The following GAREM1 variants were observed in gnomAD, a reference collection of about 807,000 sequenced individuals.
The protein encoded by GAREM1 is GRB2-associated and regulator of MAPK protein 1.
GAREM1 carries 26 observed loss-of-function variants against 71.3 expected under a neutral mutation model. The ratio of observed to expected loss-of-function variants is 0.36; its 90% confidence interval spans 0.27 to 0.51. The LOEUF is 0.51. Among genes scored for constraint, GAREM1 ranks in the 20% least tolerant of loss-of-function variants. The pLI, the probability that GAREM1 is intolerant of heterozygous loss-of-function variation, is 0.95. For synonymous variants in GAREM1, 440 were observed against 433.2 expected (o/e 1.02, Z -0.20); for missense variants, 1,026 against 1,103.1 (o/e 0.93, Z 0.99).
At chr18:32,311,973 G>A (rs2047328492) in intron 2 of GAREM1, among the ~76,000 whole-genome samples, 1 of 152,208 alleles carries the variant, frequency 6.6e-6, no homozygotes, top group Non-Finnish European at 1.5e-5. Flanking sequence ...CATGGCAGGG[G>A]CTGGGAAGTG....
chr18:32,457,824 T>C (rs865818642), intron 1 of GAREM1, among the ~76,000 whole-genome samples: 3 of 152,180 alleles, frequency 2.0e-5, no homozygotes, highest in East Asian at 3.8e-4. Flanking sequence ...TTGTTACATA[T>C]GTATACATGT....
chr18:32,355,915 A>G (rs566798910), intron 2 of GAREM1, among the ~76,000 whole-genome samples: 83 of 152,332 alleles, frequency 5.4e-4, no homozygotes, highest in African/African-American at 1.7e-3. Context: ...TTAGAAAACT[A>G]ATTTATCTAC....
chr18:32,272,627 C>T (rs57038420), intron 4 of GAREM1, among the ~76,000 whole-genome samples: 2,136 of 144,080 alleles, frequency 0.015, 53 homozygotes, highest in African/African-American at 0.051. Flanking sequence ...ATTCTGGGGT[C>T]TTTTTTTTTT....
chr18:32,343,311 G>GTTTTTTTTTTTTTTTTTTTTT (rs35086441), intron 2 of GAREM1, among the ~76,000 whole-genome samples: 6 of 118,870 alleles, frequency 5.0e-5, no homozygotes, highest in African/African-American at 1.3e-4. Context: ...CTCCCCCACT[G>GTTTTTTTTTTTTTTTTTTTTT]TTTTTTTTTT....
At chr18:32,364,012 A>ATTT (rs2047897309) in intron 2 of GAREM1, among the ~76,000 whole-genome samples, 2 of 51,436 alleles carry the variant, frequency 3.9e-5, no homozygotes, top group Admixed American at 1.9e-4. Context: ...ATATATATAT[A>ATTT]TATATATATA....
intron 1 of GAREM1, among the ~76,000 whole-genome samples, chr18:32,445,714 T>C (rs190831010): frequency 1.4e-4 from 22 of 152,314 alleles, no homozygotes. Flanking sequence ...AGGACTGTAA[T>C]GTTCAATCAT....
At chr18:32,467,718 T>C (rs1207876203) in intron 1 of GAREM1, among the ~76,000 whole-genome samples, 2 of 152,204 alleles carry the variant, frequency 1.3e-5, no homozygotes, top group Non-Finnish European at 2.9e-5. Flanking sequence ...TCTAGTCTCT[T>C]TAAAAACAAG....
intron 1 of GAREM1, among the ~76,000 whole-genome samples, chr18:32,452,468 A>G (rs2048849672): frequency 6.6e-6 from 1 of 152,162 alleles, no homozygotes; most frequent in Non-Finnish European, 1.5e-5. Flanking sequence ...AAACCTCACA[A>G]AATTCTACTC....
rs141845707 is a variant in GAREM1, at chr18:32,437,639, G to A, written c.121+32669C>T. Among the ~76,000 whole-genome samples the A allele has an allele frequency of 7.9e-4, 120 of 152,132 alleles. 1 individual carries two copies. The East Asian group carries it at 0.018, about 23-fold the overall frequency. On this transcript the variant is annotated intron_variant, in intron 1 of 5. Transcript: ENST00000269209. ...AACAGGGAGCCAAGCTGATTACCCC[G>A]AGAAAGTCAAGGTGGTTCCACCTCT...
chr18:32,440,340 T>C (rs2048722611), intron 1 of GAREM1, among the ~76,000 whole-genome samples: 1 of 152,160 alleles, frequency 6.6e-6, no homozygotes, highest in Non-Finnish European at 1.5e-5. Flanking sequence ...CTCATGTTAT[T>C]ATAGCTTCAG....
intron 2 of GAREM1, among the ~76,000 whole-genome samples, chr18:32,334,628 C>T (rs1447522137): frequency 6.6e-6 from 1 of 152,176 alleles, no homozygotes; most frequent in African/African-American, 2.4e-5. Flanking sequence ...TTGAGGGGCA[C>T]AGGCAGTCCT....
Position 32,268,419 on chromosome 18 carries a change from AACCAG to A in GAREM1, c.2078_2082del (p.Ser693LeufsTer55). On this transcript the variant is annotated frameshift_variant, in exon 6 of 6. Transcript: ENST00000269209. LOFTEE classifies it high-confidence loss of function. Reference sequence around the variant, plus strand: ...AGAGAGTAGCTGGCTGACTTGGGACAACCAGAGACGCTGCTACTGAATTCTGCAGT... The same window carrying A: ...AGAGAGTAGCTGGCTGACTTGGGACAAGACGCTGCTACTGAATTCTGCAGT... The A allele has an allele frequency of 1.2e-6, 2 of 1,614,208 alleles. No individual in the cohort carries two copies. Among genetic ancestry groups the A allele is most frequent in the Non-Finnish European group, 1.7e-6 (2 of 1,180,026 alleles).
chr18:32,467,898 T>G (rs1156313727), intron 1 of GAREM1, among the ~76,000 whole-genome samples: 1 of 151,924 alleles, frequency 6.6e-6, no homozygotes, highest in East Asian at 1.9e-4. Flanking sequence ...GTCCTCAACC[T>G]GTCCTAAACT....
At chr18:32,325,404 C>T (rs1034618572) in intron 2 of GAREM1, among the ~76,000 whole-genome samples, 5 of 152,122 alleles carry the variant, frequency 3.3e-5, no homozygotes, top group Admixed American at 1.3e-4. Context: ...GCAGGTTCAT[C>T]GATTGTCACA....
intron 1 of GAREM1, among the ~76,000 whole-genome samples, chr18:32,396,654 T>C (rs1000658088): frequency 5.3e-5 from 8 of 152,250 alleles, no homozygotes; most frequent in Non-Finnish European, 7.4e-5. Context: ...TATGGGACTA[T>C]GTGAAAAGAC....
At chr18:32,447,896 G>A (rs1313302112) in intron 1 of GAREM1, among the ~76,000 whole-genome samples, 2 of 152,134 alleles carry the variant, frequency 1.3e-5, no homozygotes, top group Admixed American at 1.3e-4. Context: ...GAAATTCTTT[G>A]TTATTATTGA....
intron 1 of GAREM1, among the ~76,000 whole-genome samples, chr18:32,406,796 A>G (rs2048370861): frequency 2.0e-5 from 3 of 152,198 alleles, no homozygotes; most frequent in Admixed American, 1.3e-4. Context: ...CTCTAGGAAT[A>G]GGAGAAGAAA....
intron 1 of GAREM1, among the ~76,000 whole-genome samples, chr18:32,396,482 C>A (rs563903163): frequency 1.3e-5 from 2 of 152,308 alleles, no homozygotes; most frequent in East Asian, 1.9e-4. Flanking sequence ...GAGCTGAAAA[C>A]CATGGCACGA....
At chr18:32,356,552 T>C (rs1449146870) in intron 2 of GAREM1, among the ~76,000 whole-genome samples, 1 of 152,218 alleles carries the variant, frequency 6.6e-6, no homozygotes, top group Non-Finnish European at 1.5e-5. Flanking sequence ...TACATAATAA[T>C]AACAAACTCA....
Sources: gnomAD v4.1 joint callset for allele counts (sites outside exome capture counted in the v4.1 genomes callset) on GRCh38, gnomAD v4.1.1 for gene constraint, MANE v1.5 for transcripts, NCBI Gene and HGNC (gene_info 2026-07-23, HGNC 2026-07-21) for gene names.